The following MSRA variants were observed in gnomAD, a reference collection of about 807,000 sequenced individuals.
MSRA encodes the protein mitochondrial peptide methionine sulfoxide reductase.
MSRA carries 54 observed loss-of-function variants against 31.3 expected under a neutral mutation model. That is an observed-to-expected ratio of 1.73 (90% CI 1.39 to 2.17). MSRA has a LOEUF of 2.17. Among genes scored for constraint, MSRA ranks in the 30% most tolerant of loss-of-function variants. The probability of loss-of-function intolerance (pLI) is 0.00; values close to 1 mark genes in which losing one functional copy is unlikely to be tolerated. For missense variants in MSRA, 507 were observed against 300.9 expected (o/e 1.69, Z -5.07); for synonymous variants, 169 against 116.5 (o/e 1.45, Z -2.90).
At chr8:10,071,884 C>T (rs559172603) in intron 1 of MSRA, among the ~76,000 whole-genome samples, 2 of 152,156 alleles carry the variant, frequency 1.3e-5, no homozygotes, top group African/African-American at 4.8e-5. Context: ...AAACACAACA[C>T]AGTCAGGTAG....
chr8:10,106,988 C>T (rs1337948444), intron 1 of MSRA, among the ~76,000 whole-genome samples: 1 of 152,148 alleles, frequency 6.6e-6, no homozygotes, highest in African/African-American at 2.4e-5. Flanking sequence ...ATCCATGCAG[C>T]TGTCAGCCCA....
chr8:10,066,009 A>C (rs529590632), intron 1 of MSRA, among the ~76,000 whole-genome samples: 124 of 149,034 alleles, frequency 8.3e-4, no homozygotes, highest in African/African-American at 3.0e-3. Context: ...TTATTAATAT[A>C]ACTTAATATA....
intron 4 of MSRA, among the ~76,000 whole-genome samples, chr8:10,305,983 A>G (rs1014956684): frequency 1.3e-5 from 2 of 152,156 alleles, no homozygotes; most frequent in Non-Finnish European, 2.9e-5. Context: ...TTTGAATCCC[A>G]CTGTTTAAGC....
chr8:10,392,839 G>T (rs772172691), intron 5 of MSRA, among the ~76,000 whole-genome samples: 23 of 135,522 alleles, frequency 1.7e-4, no homozygotes, highest in Non-Finnish European at 2.6e-4. Flanking sequence ...CAGGTCAGGA[G>T]ATCAAGACCA....
chr8:10,128,162 G>A (rs572593323), intron 1 of MSRA, among the ~76,000 whole-genome samples: 41 of 152,204 alleles, frequency 2.7e-4, no homozygotes, highest in Admixed American at 1.6e-3. Context: ...TGGATCACCC[G>A]AGATCAGGAG....
chr8:10,136,543 C>G (rs565210158), intron 1 of MSRA, among the ~76,000 whole-genome samples: 1 of 152,198 alleles, frequency 6.6e-6, no homozygotes, highest in African/African-American at 2.4e-5. Flanking sequence ...ATGGACTTGT[C>G]CTCATTTTTA....
chr8:10,234,804 A>C (rs112504909), intron 2 of MSRA, among the ~76,000 whole-genome samples: 4,455 of 152,150 alleles, frequency 0.029, 211 homozygotes, highest in African/African-American at 0.1. Flanking sequence ...TATTAGAAAA[A>C]ATAATTTTAA....
At chr8:10,245,561 C>T (rs555377076) in intron 3 of MSRA, among the ~76,000 whole-genome samples, 87 of 152,338 alleles carry the variant, frequency 5.7e-4, no homozygotes, top group Admixed American at 1.2e-3. Context: ...GGGATTTGCT[C>T]ATGTGGCTAA....
At chr8:10,415,630 C>A (rs1394664540) in intron 5 of MSRA, among the ~76,000 whole-genome samples, 1 of 152,114 alleles carries the variant, frequency 6.6e-6, no homozygotes, top group Non-Finnish European at 1.5e-5. Flanking sequence ...CCCAGGGTCC[C>A]ATCTGCTGGG....
chr8:10,212,886 T>C (rs1008409907), intron 2 of MSRA, among the ~76,000 whole-genome samples: 1 of 152,216 alleles, frequency 6.6e-6, no homozygotes, highest in Admixed American at 6.5e-5. Flanking sequence ...CATCATTATT[T>C]ATTTTTTAAT....
At chr8:10,371,212 A>G (rs1805455642) in intron 5 of MSRA, among the ~76,000 whole-genome samples, 1 of 152,176 alleles carries the variant, frequency 6.6e-6, no homozygotes, top group Non-Finnish European at 1.5e-5. Flanking sequence ...GTAAGTACCA[A>G]CAGGCATTTG....
At chr8:10,360,064 C>T (rs2129164624) in intron 5 of MSRA, among the ~76,000 whole-genome samples, 1 of 152,314 alleles carries the variant, frequency 6.6e-6, no homozygotes, top group Middle Eastern at 3.4e-3. Context: ...CATTGAGAGT[C>T]CCTGGGGACA....
At position 10,305,113 on chromosome 8, in the gene MSRA, T is replaced by G. The variant is rs570050001; in HGVS notation, c.436+3475T>G. 6.6e-5 allele frequency among the ~76,000 whole-genome samples: 10 copies of G among 152,322 alleles called. No homozygotes were observed. The East Asian group carries it at 1.5e-3, about 24-fold the overall frequency. ...TTTTAGTACCTTTTTGTAAAGTCAT[T>G]AAGGACTTGAAGGGGCCTTAAATTT... On this transcript the variant is annotated intron_variant, in intron 4 of 5. Coordinates refer to ENST00000317173, the MANE Select transcript of MSRA (RefSeq NM_012331.5).
At chr8:10,122,889 G>A (rs1585198830) in intron 1 of MSRA, among the ~76,000 whole-genome samples, 1 of 152,174 alleles carries the variant, frequency 6.6e-6, no homozygotes, top group African/African-American at 2.4e-5. Context: ...TGGTGGCATA[G>A]TACTCCATGG....
intron 5 of MSRA, among the ~76,000 whole-genome samples, chr8:10,391,991 A>C (rs1356088204): frequency 6.6e-6 from 1 of 152,224 alleles, no homozygotes. Flanking sequence ...CCTAGACTTC[A>C]GACTCTTATA....
At chr8:10,348,400 T>G (rs1001047138) in intron 5 of MSRA, among the ~76,000 whole-genome samples, 10 of 111,448 alleles carry the variant, frequency 9.0e-5, no homozygotes, top group Non-Finnish European at 2.2e-4. Flanking sequence ...GTCTTGCTCT[T>G]GCTCTGTCGC....
At chr8:10,324,841 G>A (rs1259557486) in intron 5 of MSRA, among the ~76,000 whole-genome samples, 1 of 152,236 alleles carries the variant, frequency 6.6e-6, no homozygotes, top group Non-Finnish European at 1.5e-5. Context: ...AGGCATTCGG[G>A]AGAAGATGAG....
At chr8:10,136,168 T>C (rs1563137147) in intron 1 of MSRA, among the ~76,000 whole-genome samples, 1 of 152,132 alleles carries the variant, frequency 6.6e-6, no homozygotes. Context: ...GGGCTTGCAG[T>C]CACGCTGGGC....
intron 1 of MSRA, among the ~76,000 whole-genome samples, chr8:10,201,778 A>G (rs2129057543): frequency 6.6e-6 from 1 of 152,326 alleles, no homozygotes; most frequent in South Asian, 2.1e-4. Context: ...GGTCTAATTA[A>G]CTGCTACTCT....
Sources: allele counts gnomAD v4.1 joint callset (sites outside exome capture counted in the v4.1 genomes callset), GRCh38; gene constraint gnomAD v4.1.1; transcripts MANE v1.5; gene names NCBI Gene and HGNC (gene_info 2026-07-23, HGNC 2026-07-21).